The following COL25A1 variants were observed in gnomAD, a reference collection of about 807,000 sequenced individuals.
The protein encoded by COL25A1 is collagen alpha-1(XXV) chain.
Under a neutral mutation model 128.4 loss-of-function variants are expected in COL25A1, and 103 were observed. The ratio of observed to expected loss-of-function variants is 0.80; its 90% CI spans 0.68 to 0.94. The LOEUF (loss-of-function observed/expected upper bound fraction) is 0.94, where lower values mean the gene tolerates loss of function less well. COL25A1 is among the 40% of genes least tolerant of loss of function. The probability of loss-of-function intolerance (pLI) is 0.00; values close to 1 mark genes in which losing one functional copy is unlikely to be tolerated. For synonymous variants in COL25A1, 279 were observed against 277.2 expected (o/e 1.01, Z -0.06); for missense variants, 745 against 840.0 (o/e 0.89, Z 1.40).
rs1443595393 is a variant in COL25A1 at position 108,811,127 on chromosome 4, AAC to A, written c.*2798_*2799del. 3 of 152,202 alleles carry A rather than the reference AAC, an allele frequency of 2.0e-5. No individual in the cohort carries two copies. Among genetic ancestry groups the A allele is most frequent in the South Asian group, 2.1e-4 (1 of 4,832 alleles). 9.4% of individuals were successfully genotyped at this position (152,202 alleles called of 1,614,324 possible). On this transcript the variant is annotated 3_prime_UTR_variant, in exon 38 of 38. Transcript: ENST00000399132. Reference sequence around the variant, plus strand: ...TATTATCTATCAACACATATCAACAAACACAATTCTTTCATTCACTTAGAAAT... The same window carrying A: ...TATTATCTATCAACACATATCAACAAACAATTCTTTCATTCACTTAGAAAT...
intron 3 of COL25A1, among the ~76,000 whole-genome samples, chr4:109,287,321 C>G (rs1723984199): frequency 1.3e-5 from 2 of 152,072 alleles, no homozygotes; most frequent in Admixed American, 1.3e-4. Context: ...TTTCCCTAAA[C>G]AGTCAGGCAT....
At chr4:108,841,339 C>A (rs969404953) in intron 31 of COL25A1, among the ~76,000 whole-genome samples, 3 of 151,988 alleles carry the variant, frequency 2.0e-5, no homozygotes, top group African/African-American at 7.3e-5. Flanking sequence ...CAATTAATAA[C>A]ATCCAAATAT....
At chr4:109,221,313 TA>T (rs1430160613) in intron 3 of COL25A1, among the ~76,000 whole-genome samples, 4 of 152,150 alleles carry the variant, frequency 2.6e-5, no homozygotes, top group African/African-American at 9.7e-5. Context: ...CTAAAACCTT[TA>T]AATCAGAGTA....
chr4:109,074,036 G>A (rs897210512), intron 3 of COL25A1, among the ~76,000 whole-genome samples: 8 of 152,188 alleles, frequency 5.3e-5, no homozygotes, highest in African/African-American at 1.9e-4. Context: ...TGACAAGGGT[G>A]GGTGGCTGTG....
chr4:109,126,781 A>G (rs1469018257), intron 3 of COL25A1, among the ~76,000 whole-genome samples: 3 of 152,070 alleles, frequency 2.0e-5, no homozygotes, highest in African/African-American at 7.2e-5. Context: ...TTTATATTAG[A>G]TAACCTGATA....
At chr4:109,000,670 C>A (rs1459648115) in intron 6 of COL25A1, among the ~76,000 whole-genome samples, 1 of 136,246 alleles carries the variant, frequency 7.3e-6, no homozygotes, top group Admixed American at 9.0e-5. Context: ...AATTTTAACC[C>A]CGGAGGCAAA....
intron 3 of COL25A1, among the ~76,000 whole-genome samples, chr4:109,253,646 C>A (rs1427654332): frequency 6.6e-6 from 1 of 152,096 alleles, no homozygotes. Flanking sequence ...TACCATAGTT[C>A]AAAAATTCAT....
chr4:108,845,247 G>T lies in COL25A1; in HGVS notation c.1520C>A (p.Ala507Asp), dbSNP rs763558516. Residue 507 changes from alanine to aspartate, a missense_variant, in exon 29 of 38, where the codon GCC becomes GAC. Ala to Asp is a moderately radical substitution (Grantham distance 126, BLOSUM62 -2). Coordinates refer to ENST00000399132, the MANE Select transcript of COL25A1 (RefSeq NM_198721.4). The part of the protein sequence containing the change: ...GGIGLPGLPG[A>D]NGMKGEKGDS... ...TCCTTTTTCTCCTTTCATTCCATTG[G>T]CTCCCTATAAATAACCATTAAGCAG... 1 of 1,613,006 alleles carries T rather than the reference G, an allele frequency of 6.2e-7. No homozygotes were observed. The highest frequency in any genetic ancestry group is 1.3e-5 in the African/African-American group (1 of 74,998).
At chr4:109,051,240 A>G (rs1760953055) in intron 3 of COL25A1, among the ~76,000 whole-genome samples, 1 of 152,190 alleles carries the variant, frequency 6.6e-6, no homozygotes, top group Non-Finnish European at 1.5e-5. Flanking sequence ...GCGACTTTCA[A>G]TGTGATCCTG....
chr4:109,188,734 A>C (rs1045623120), intron 3 of COL25A1, among the ~76,000 whole-genome samples: 18 of 152,326 alleles, frequency 1.2e-4, no homozygotes, highest in African/African-American at 4.3e-4. Context: ...AAACAAAGTA[A>C]GGAGACCGTC....
chr4:108,917,133 C>A (rs1426901129), intron 13 of COL25A1, among the ~76,000 whole-genome samples: 1 of 152,110 alleles, frequency 6.6e-6, no homozygotes, highest in African/African-American at 2.4e-5. Context: ...CAGAGAATTC[C>A]AAGGACTTTG....
rs59105153 is a variant in COL25A1 at position 109,047,728 on chromosome 4, CTT to C, written c.420+438_420+439del. ...TAATTTTCCAAACTTTAAGTATACT[CTT>C]TTTTTTTTTTTTTTTTTTTTTAGAC... On this transcript the variant is annotated intron_variant, in intron 5 of 37. Coordinates refer to ENST00000399132, the MANE Select transcript of COL25A1 (RefSeq NM_198721.4). Among the ~76,000 whole-genome samples, 30 of 132,174 alleles carry C rather than the reference CTT, an allele frequency of 2.3e-4. 1 individual carries two copies. The highest frequency in any genetic ancestry group is 8.1e-3 in the Middle Eastern group (2 of 246). 86.7% of individuals were successfully genotyped at this position (132,174 alleles called of 152,430 possible). A position where few individuals can be genotyped will look rare whatever the true frequency, so the allele number is the denominator to read the frequency against.
chr4:108,937,036 C>T (rs1747502059), intron 11 of COL25A1, among the ~76,000 whole-genome samples: 1 of 152,094 alleles, frequency 6.6e-6, no homozygotes, highest in Non-Finnish European at 1.5e-5. Context: ...TGCCAGCTCC[C>T]TGGCAATCTC....
chr4:109,180,312 G>C (rs1774507163), intron 3 of COL25A1, among the ~76,000 whole-genome samples: 2 of 152,108 alleles, frequency 1.3e-5, no homozygotes, highest in Non-Finnish European at 2.9e-5. Context: ...CAGATAACAA[G>C]TTAAATGCAT....
At chr4:109,028,924 A>T (rs1758576387) in intron 5 of COL25A1, among the ~76,000 whole-genome samples, 1 of 152,086 alleles carries the variant, frequency 6.6e-6, no homozygotes, top group Non-Finnish European at 1.5e-5. Context: ...CTGACCACTA[A>T]ATTTGTCATA....
At chr4:108,969,252 C>T (rs566570421) in intron 8 of COL25A1, among the ~76,000 whole-genome samples, 2 of 152,276 alleles carry the variant, frequency 1.3e-5, no homozygotes, top group South Asian at 2.1e-4. Context: ...GACTGTGTGA[C>T]ACAACCTAGC....
intron 3 of COL25A1, among the ~76,000 whole-genome samples, chr4:109,160,539 C>T (rs558243408): frequency 2.4e-4 from 36 of 152,254 alleles, no homozygotes; most frequent in African/African-American, 7.9e-4. Flanking sequence ...TACCTAAGTT[C>T]GCCCTGCTTC....
chr4:108,900,532 A>G (rs1291492831), intron 14 of COL25A1, among the ~76,000 whole-genome samples: 2 of 152,176 alleles, frequency 1.3e-5, no homozygotes, highest in Non-Finnish European at 2.9e-5. Context: ...AATTGTCCCC[A>G]ATCTTTTTAT....
chr4:109,239,388 G>GTATA (rs1303125158), intron 3 of COL25A1, among the ~76,000 whole-genome samples: 9 of 90,178 alleles, frequency 1.0e-4, no homozygotes, highest in African/African-American at 4.0e-4. Context: ...GTGTGTGTGT[G>GTATA]TGTGTGTATA....
Sources: gnomAD v4.1 joint callset for allele counts (sites outside exome capture counted in the v4.1 genomes callset) on GRCh38, gnomAD v4.1.1 for gene constraint, MANE v1.5 for transcripts, NCBI Gene and HGNC (gene_info 2026-07-23, HGNC 2026-07-21) for gene names.